The following RNF157 variants were observed in gnomAD, a reference collection of about 807,000 sequenced individuals.
The protein encoded by RNF157 is ring finger protein 157.
RNF157 carries 55 observed loss-of-function variants against 88.3 expected under a neutral mutation model. That is an observed-to-expected ratio of 0.62 (90% CI 0.50 to 0.78). The LOEUF is 0.78. Among genes scored for constraint, RNF157 ranks in the 30% least tolerant of loss-of-function variants. The pLI, the probability that RNF157 is intolerant of heterozygous loss-of-function variation, is 0.00. For synonymous variants in RNF157, 334 were observed against 341.2 expected (o/e 0.98, Z 0.23); for missense variants, 788 against 860.8 (o/e 0.92, Z 1.06).
chr17:76,155,592 A>C lies in RNF157; in HGVS notation c.1668T>G (p.Pro556=). The stretch of plus-strand genomic sequence containing the variant: ...CTTCTTCTGAGGGGGCCCTGCTGGC[A>C]GGCTGGGGGGAAGAGAGAGCCTCTC... ...EEGEALSSPQ[P]ASRAPSEEGE... The change falls in exon 15 of 19, where the codon CCT becomes CCG. Residue 556 remains proline (P), a synonymous_variant. Transcript: ENST00000269391. The C allele has an allele frequency of 6.2e-7, 1 of 1,612,746 alleles. No homozygotes were observed. The highest frequency in any genetic ancestry group is 8.5e-7 in the Non-Finnish European group (1 of 1,179,642).
At chr17:76,214,832 G>T (rs933700600) in intron 1 of RNF157, among the ~76,000 whole-genome samples, 2 of 152,160 alleles carry the variant, frequency 1.3e-5, no homozygotes, top group African/African-American at 4.8e-5. Flanking sequence ...ACAAACCAAG[G>T]AACTGTGACA....
At position 76,160,448 on chromosome 17, in the gene RNF157, A is replaced by G. The variant is rs1291515729; in HGVS notation, c.1066-875T>C. ...AAGACCTATTCTGACTGCTTCCCCG[A>G]AAGCAGGGAGAATCGCTAAAAAGAA... On this transcript the variant is annotated intron_variant, in intron 11 of 18. Coordinates refer to ENST00000269391, the MANE Select transcript of RNF157 (RefSeq NM_052916.3). This position sits in a 1 kb window ranked among gnomAD's most constrained non-coding sequence, Gnocchi z 4.3. Among the ~76,000 whole-genome samples, 1 of 152,078 alleles carries G rather than the reference A, an allele frequency of 6.6e-6. No individual in the cohort carries two copies. Among genetic ancestry groups the G allele is most frequent in the Non-Finnish European group, 1.5e-5 (1 of 68,016 alleles).
At position 76,176,412 on chromosome 17, in the gene RNF157, C is replaced by A. The variant is rs2069103298; in HGVS notation, c.208-2622G>T. Among the ~76,000 whole-genome samples, 1 of 152,170 alleles carries A rather than the reference C, an allele frequency of 6.6e-6. No homozygotes were observed. The highest frequency in any genetic ancestry group is 2.1e-4 in the South Asian group (1 of 4,828). ...ATGGAGGGGACAGTAGGATCAGAGG[C>A]AAATTAAAAAAAATTTTTTTTCTGC... is the stretch of plus-strand genomic sequence containing the variant. On this transcript the variant is annotated intron_variant, in intron 2 of 18. Transcript: ENST00000269391. The surrounding 1 kb of genome is among the most constrained non-coding windows in gnomAD (Gnocchi z 4.2).
chr17:76,146,636 T>G lies in RNF157; in HGVS notation c.1922-1283A>C. 1 of 985,466 alleles carries G rather than the reference T, an allele frequency of 1.0e-6. No homozygotes were observed. The highest frequency in any genetic ancestry group is 1.2e-6 in the Non-Finnish European group (1 of 829,930). The allele number at this position is 985,466 out of a possible 1,614,324, so 61.0% of individuals were successfully genotyped here. On this transcript the variant is annotated intron_variant, in intron 18 of 18. Transcript: ENST00000269391. The surrounding 1 kb of genome is among the most constrained non-coding windows in gnomAD (Gnocchi z 4.2). ...GGCCGGGGGAGGCCCAGTGTGCTCC[T>G]AAGTGCTCCCTGCAGCCTGAACTAC...
At chr17:76,220,032 A>G (rs1202974662) in intron 1 of RNF157, among the ~76,000 whole-genome samples, 1 of 152,216 alleles carries the variant, frequency 6.6e-6, no homozygotes, top group Non-Finnish European at 1.5e-5. Flanking sequence ...CTTTACAAAC[A>G]ATGTTTCCTA....
intron 2 of RNF157, among the ~76,000 whole-genome samples, chr17:76,204,169 T>C (rs968129903): frequency 1.3e-5 from 2 of 152,252 alleles, no homozygotes; most frequent in Admixed American, 6.5e-5. Context: ...CCAATACTTA[T>C]TGACTACTCA....
chr17:76,216,301 C>T (rs10512605), intron 1 of RNF157, among the ~76,000 whole-genome samples: 21,486 of 152,028 alleles, frequency 0.14, 2,269 homozygotes, highest in African/African-American at 0.28. Flanking sequence ...ATGATTGAAC[C>T]TAGCGAGAGA....
At chr17:76,148,459 AG>A (rs2068621302) in intron 18 of RNF157, among the ~76,000 whole-genome samples, 1 of 149,574 alleles carries the variant, frequency 6.7e-6, no homozygotes, top group African/African-American at 2.5e-5. Flanking sequence ...GGTAGAGATG[AG>A]GTTTCACCGT....
intron 1 of RNF157, among the ~76,000 whole-genome samples, chr17:76,238,423 G>T (rs1160845948): frequency 2.0e-5 from 3 of 150,446 alleles, no homozygotes; most frequent in Non-Finnish European, 4.4e-5. Flanking sequence ...TTTAAAACTG[G>T]TAGAGAGGAG....
At position 76,155,540 on chromosome 17, in the gene RNF157, C is replaced by T. The variant is rs375336058; in HGVS notation, c.1698+22G>A. 467 of 1,606,826 alleles carry T rather than the reference C, an allele frequency of 2.9e-4. No homozygotes were observed. The Middle Eastern group carries it at 4.1e-3, about 14-fold the overall frequency. On this transcript the variant is annotated intron_variant, in intron 15 of 18. Coordinates refer to ENST00000269391, the MANE Select transcript of RNF157 (RefSeq NM_052916.3). ...TGCACAAAGAACAGAGAAGCCAGGG[C>T]GGTTCCCGTCCCTTCCCTTACCTCT...
chr17:76,214,812 C>T (rs987506936), intron 1 of RNF157, among the ~76,000 whole-genome samples: 2 of 152,152 alleles, frequency 1.3e-5, no homozygotes, highest in African/African-American at 4.8e-5. Context: ...TTCCCATCAG[C>T]CTCATCCGGA....
At chr17:76,171,669 T>C (rs2069016709) in intron 3 of RNF157, among the ~76,000 whole-genome samples, 1 of 152,062 alleles carries the variant, frequency 6.6e-6, no homozygotes, top group Non-Finnish European at 1.5e-5. Flanking sequence ...CACCAGGTGT[T>C]TTCCCTTCTG....
At chr17:76,156,448 G>GT in intron 13 of RNF157, 127 bp from the exon 14 acceptor site, 1 of 1,481,100 alleles carries the variant, frequency 6.8e-7, no homozygotes, top group East Asian at 2.4e-5. Flanking sequence ...GGACTGAGTG[G>GT]CATGCAGAGG....
intron 2 of RNF157, among the ~76,000 whole-genome samples, chr17:76,209,580 G>C (rs2069741975): frequency 6.6e-6 from 1 of 151,542 alleles, no homozygotes; most frequent in African/African-American, 2.4e-5. Flanking sequence ...ATGTGGCCCA[G>C]GGAACCCAAA....
At chr17:76,207,310 C>A (rs1411765838) in intron 2 of RNF157, among the ~76,000 whole-genome samples, 1 of 152,180 alleles carries the variant, frequency 6.6e-6, no homozygotes, top group Non-Finnish European at 1.5e-5. Context: ...TTATTCCCAG[C>A]TACTCAGGAG....
intron 1 of RNF157, among the ~76,000 whole-genome samples, chr17:76,236,353 T>C (rs2070282449): frequency 1.3e-5 from 2 of 152,252 alleles, no homozygotes; most frequent in Admixed American, 1.3e-4. Context: ...TTTATCAATG[T>C]GGACTTTTAT....
chr17:76,177,072 T>G (rs1407056039), intron 2 of RNF157, among the ~76,000 whole-genome samples: 1 of 151,970 alleles, frequency 6.6e-6, no homozygotes, highest in African/African-American at 2.4e-5. Context: ...AGACTGCCCG[T>G]GAAGCACCGG....
chr17:76,225,720 A>G, intron 1 of RNF157: 1 of 1,469,990 alleles, frequency 6.8e-7, no homozygotes, highest in Non-Finnish European at 9.1e-7. Context: ...CTCTATGTAC[A>G]AGCACGTTGA....
At chr17:76,177,107 T>C (rs1284371666) in intron 2 of RNF157, among the ~76,000 whole-genome samples, 1 of 152,052 alleles carries the variant, frequency 6.6e-6, no homozygotes, top group East Asian at 1.9e-4. Context: ...CTCATGGCGA[T>C]GTCACCCTGC....
Sources: allele counts gnomAD v4.1 joint callset (sites outside exome capture counted in the v4.1 genomes callset), GRCh38; gene constraint gnomAD v4.1.1; non-coding constraint Gnocchi (gnomAD v3.1); transcripts MANE v1.5; gene names NCBI Gene and HGNC (gene_info 2026-07-23, HGNC 2026-07-21).